SMG1: variants seen among roughly 807,000 people sequenced by gnomAD.
SMG1 encodes SMG1 nonsense mediated mRNA decay associated PI3K related kinase, also known as serine/threonine-protein kinase SMG1.
A neutral mutation model predicts 419.9 loss-of-function variants in SMG1; 22 were observed. That is an observed-to-expected ratio of 0.05 (90% CI 0.04 to 0.07). The LOEUF (loss-of-function observed/expected upper bound fraction) is 0.07. SMG1 is among the 10% of genes least tolerant of loss of function. SMG1 has a pLI of 1.00. For missense variants in SMG1, 3,185 were observed against 4,342.0 expected (o/e 0.73, Z 7.49); for synonymous variants, 1,538 against 1,553.5 (o/e 0.99, Z 0.23).
chr16:18,849,909 G>T (rs1340200390), intron 35 of SMG1, 40 bp downstream of exon 35: 11 of 1,581,734 alleles, frequency 7.0e-6, no homozygotes, highest in Non-Finnish European at 9.5e-6. Flanking sequence ...ATATCCTAGT[G>T]AGAAACTATT....
chr16:18,878,106 G>A (rs953182465), intron 11 of SMG1: 30 of 152,156 alleles, frequency 2.0e-4, no homozygotes, highest in African/African-American at 5.6e-4. Context: ...TTATGGTTAA[G>A]AAATTAAAGG....
At chr16:18,865,558 T>G (rs1250757628) in intron 23 of SMG1, among the ~76,000 whole-genome samples, 1 of 151,636 alleles carries the variant, frequency 6.6e-6, no homozygotes, top group Non-Finnish European at 1.5e-5. Context: ...AAAAAAAATA[T>G]CAGAAACAAC....
At chr16:18,923,642 A>G (rs1045164949) in intron 1 of SMG1, among the ~76,000 whole-genome samples, 1 of 124,440 alleles carries the variant, frequency 8.0e-6, no homozygotes, top group Non-Finnish European at 1.7e-5. Context: ...CTCAGGAAGG[A>G]AAAAAAAAAG....
chr16:18,852,445 C>A lies in SMG1; in HGVS notation c.4786G>T (p.Glu1596Ter). 6.3e-7 allele frequency: 1 copy of A among 1,590,260 alleles called. No individual in the cohort carries two copies. The highest frequency in any genetic ancestry group is 1.8e-5 in the Admixed American group (1 of 56,024). ...AACTGTCCCAAAATGAAGTCAGGTT[C>A]TCCAACTCCAATATGCACTGCCAAA... ...SESTVHIGVG[E>*]PDFILGQLYH... Residue 1596 changes from glutamate to a stop codon, truncating the protein, a stop_gained, in exon 32 of 63, where the codon GAA (glutamate) becomes TAA (stop). Coordinates refer to ENST00000446231, the MANE Select transcript of SMG1 (RefSeq NM_015092.5). LOFTEE classifies it high-confidence loss of function.
chr16:18,877,468 G>C (rs1239733722), intron 11 of SMG1: 1 of 369,346 alleles, frequency 2.7e-6, no homozygotes, highest in African/African-American at 2.0e-5. Flanking sequence ...AGGAAGGAGT[G>C]GGTGGAACAT....
At chr16:18,834,586 G>C (rs1434234736) in intron 49 of SMG1, 148 bp from the exon 50 acceptor site, 10 of 746,622 alleles carry the variant, frequency 1.3e-5, no homozygotes. Flanking sequence ...AGACCAGCCT[G>C]ATCAATATGG....
chr16:18,830,080 C>T lies in SMG1; in HGVS notation c.8979G>A (p.Lys2993=), dbSNP rs1362565050. 1 of 1,604,178 alleles carries T rather than the reference C, an allele frequency of 6.2e-7. No individual in the cohort carries two copies. Among genetic ancestry groups the T allele is most frequent in the East Asian group, 2.2e-5 (1 of 44,762 alleles). Residue 2993 remains lysine (K), a synonymous_variant, in exon 53 of 63, where the codon AAG becomes AAA. Coordinates refer to ENST00000446231, the MANE Select transcript of SMG1 (RefSeq NM_015092.5). The stretch of plus-strand genomic sequence containing the variant: ...TCCTGGCTTCCCTTATGATGTCAAT[C>T]TTTCGCCAAGCTATGGGAATTTCCA... ...NKMEIPIAWR[K]IDIIREARST... is the part of the protein sequence containing the mutation.
At chr16:18,844,044 G>T (rs12932088) in intron 39 of SMG1, among the ~76,000 whole-genome samples, 14,412 of 150,340 alleles carry the variant, frequency 0.096, 740 homozygotes, top group Middle Eastern at 0.18. Context: ...CACAAACAGG[G>T]TTTACAGGGT....
At chr16:18,916,265 C>G (rs2037973115) in intron 1 of SMG1, among the ~76,000 whole-genome samples, 1 of 151,514 alleles carries the variant, frequency 6.6e-6, no homozygotes, top group Non-Finnish European at 1.5e-5. Context: ...CCTGTAATCC[C>G]AGCACTTTGG....
chr16:18,829,604 T>C lies in SMG1; in HGVS notation c.9285A>G (p.Ile3095Met). ...FTADFVRQLL[I>M]GLPNQALGLT... Reference sequence around the variant, plus strand: ...GTCCGAGGGCTTGGTTGGGTAGCCCTATCAAGAGCTGCCTCACAAAGTCAG... The same window carrying C: ...GTCCGAGGGCTTGGTTGGGTAGCCCCATCAAGAGCTGCCTCACAAAGTCAG... Residue 3095 changes from isoleucine (I) to methionine (M), a missense_variant, in exon 54 of 63, where the codon ATA becomes ATG. By Grantham distance (10) the Ile-to-Met change is conservative (BLOSUM62 1). This residue lies in a region of SMG1 where 737 missense variants were observed against 846.6 expected (regional missense o/e 0.87). Coordinates refer to ENST00000446231, the MANE Select transcript of SMG1 (RefSeq NM_015092.5). 1.2e-6 allele frequency: 2 copies of C among 1,614,006 alleles called. No individual in the cohort carries two copies. Among genetic ancestry groups the C allele is most frequent in the South Asian group, 2.2e-5 (2 of 91,074 alleles).
chr16:18,820,598 G>A (rs2032441226), intron 55 of SMG1, among the ~76,000 whole-genome samples: 1 of 152,150 alleles, frequency 6.6e-6, no homozygotes, highest in African/African-American at 2.4e-5. Context: ...AACATTTCAG[G>A]TGGACGCATT....
At position 18,920,258 on chromosome 16, in the gene SMG1, G is replaced by T. The variant is rs190721512; in HGVS notation, c.92+5692C>A. The stretch of plus-strand genomic sequence containing the variant: ...TTAGCCGGGTGTGGTGGCACATGCC[G>T]GTAATCTGATCTACTTAGGAGGCTG... On this transcript the variant is annotated intron_variant, in intron 1 of 62. Transcript: ENST00000446231. Among the ~76,000 whole-genome samples, 676 of 151,828 alleles carry T rather than the reference G, an allele frequency of 4.5e-3. 2 individuals are homozygous for T. Among genetic ancestry groups the T allele is most frequent in the Non-Finnish European group, 7.1e-3 (480 of 67,944 alleles).
intron 53 of SMG1, 84 bp downstream of exon 53, chr16:18,829,842 A>G: frequency 1.4e-6 from 2 of 1,429,964 alleles, no homozygotes; most frequent in Non-Finnish European, 1.9e-6. Flanking sequence ...TCATGAATGT[A>G]TAATTAAATT....
chr16:18,872,292 T>C lies in SMG1; in HGVS notation c.2075A>G (p.Asp692Gly). 1 of 1,597,016 alleles carries C rather than the reference T, an allele frequency of 6.3e-7. No individual in the cohort carries two copies. Reference protein sequence around the residue: ...SLSSSSPSLFDGAVISTVTTA... With the variant: ...SLSSSSPSLFGGAVISTVTTA... Reference sequence around the variant, plus strand: ...AGTTACAGTGCTAATCACAGCTCCATCAAACAAAGAAGGAGAGGAAGAACT... The same window carrying C: ...AGTTACAGTGCTAATCACAGCTCCACCAAACAAAGAAGGAGAGGAAGAACT... The change falls in exon 15 of 63, where the codon GAT (aspartate) becomes GGT (glycine). Residue 692 changes from aspartate (D) to glycine (G), a missense_variant. By Grantham distance (94) the Asp-to-Gly change is moderately conservative. Coordinates refer to ENST00000446231, the MANE Select transcript of SMG1 (RefSeq NM_015092.5).
At chr16:18,831,418 A>G (rs1297525109) in intron 51 of SMG1, among the ~76,000 whole-genome samples, 1 of 152,168 alleles carries the variant, frequency 6.6e-6, no homozygotes, top group Non-Finnish European at 1.5e-5. Context: ...ATTTAGGTAA[A>G]CATTCCTCTG....
At chr16:18,852,681 T>C (rs1219664681) in intron 31 of SMG1, among the ~76,000 whole-genome samples, 1 of 152,230 alleles carries the variant, frequency 6.6e-6, no homozygotes, top group Non-Finnish European at 1.5e-5. Context: ...CCAAGTAAGA[T>C]TATATTATCT....
intron 56 of SMG1, among the ~76,000 whole-genome samples, chr16:18,819,201 T>TA (rs2032296252): frequency 6.6e-6 from 1 of 152,222 alleles, no homozygotes; most frequent in Non-Finnish European, 1.5e-5. Context: ...TGGATCACTT[T>TA]AGTTGTATAA....
chr16:18,922,776 G>T (rs750488956), intron 1 of SMG1, among the ~76,000 whole-genome samples: 8 of 151,896 alleles, frequency 5.3e-5, no homozygotes, highest in Non-Finnish European at 8.8e-5. Context: ...CACTGCCCCC[G>T]GCCTGCTTAA....
At position 18,926,152 on chromosome 16, in the gene SMG1, CGAGAAGGAGGAGGAGGAGGAGGAGGAG is replaced by C. The variant is rs2038398298; in HGVS notation, c.-138_-112del. 2.1e-6 allele frequency: 2 copies of C among 950,758 alleles called. No homozygotes were observed. Among genetic ancestry groups the C allele is most frequent in the African/African-American group, 1.9e-5 (1 of 52,128 alleles). The allele number at this position is 950,758 out of a possible 1,614,324, so 58.9% of individuals were successfully genotyped here. ...TCCGGCCCGGGGCTGAGGAGGAAGC[CGAGAAGGAGGAGGAGGAGGAGGAGGAG>C]GAGAAGGAGGAGGCGGCGGAGGGCG... On this transcript the variant is annotated 5_prime_UTR_variant, in exon 1 of 63. Coordinates refer to ENST00000446231, the MANE Select transcript of SMG1 (RefSeq NM_015092.5).
Sources: allele counts gnomAD v4.1 joint callset (sites outside exome capture counted in the v4.1 genomes callset), GRCh38; gene constraint gnomAD v4.1.1; regional missense constraint gnomAD v4.1.1; transcripts MANE v1.5; gene names NCBI Gene and HGNC (gene_info 2026-07-23, HGNC 2026-07-21).